ABCA12: variants seen among roughly 807,000 people sequenced by gnomAD.
ABCA12 encodes the protein glucosylceramide transporter ABCA12.
ABCA12 carries 156 observed loss-of-function variants against 293.5 expected under a neutral mutation model. The observed-to-expected ratio is 0.53, with a 90% CI of 0.47 to 0.61. The LOEUF (loss-of-function observed/expected upper bound fraction) is 0.61. Ranked by LOEUF, ABCA12 falls within the 20% of genes least tolerant of loss-of-function variation. The pLI, the probability that ABCA12 is intolerant of heterozygous loss-of-function variation, is 0.00. For synonymous variants in ABCA12, 1,063 were observed against 1,108.0 expected (o/e 0.96, Z 0.81); for missense variants, 2,797 against 3,090.2 (o/e 0.91, Z 2.25).
At chr2:215,121,447 C>A (rs1399775058) in intron 1 of ABCA12, among the ~76,000 whole-genome samples, 4 of 152,062 alleles carry the variant, frequency 2.6e-5, no homozygotes, top group African/African-American at 9.7e-5. Context: ...TTTCCTTTAG[C>A]ATTGTCCTAT....
At chr2:214,959,168 T>C in intron 39 of ABCA12, 90 bp from the exon 40 acceptor site, 2 of 1,109,996 alleles carry the variant, frequency 1.8e-6, no homozygotes, top group Non-Finnish European at 2.8e-6. Flanking sequence ...ACTTTCCTCC[T>C]TATATTATTA....
At position 215,007,863 on chromosome 2, in the gene ABCA12, C is replaced by A. The variant is rs1431719448; in HGVS notation, c.2473-17G>T. 2 of 1,613,464 alleles carry A rather than the reference C, an allele frequency of 1.2e-6. No homozygotes were observed. Among genetic ancestry groups the A allele is most frequent in the Non-Finnish European group, 1.7e-6 (2 of 1,179,766 alleles). Reference sequence around the variant, plus strand: ...TACATTGGACTTAATGACAAAGAAACAAAAGAAGTGTGATCCATTAGTATT... The same window carrying A: ...TACATTGGACTTAATGACAAAGAAAAAAAAGAAGTGTGATCCATTAGTATT... On this transcript the variant is annotated splice_polypyrimidine_tract_variant and intron_variant, in intron 18 of 52. Transcript: ENST00000272895.
Position 215,001,622 on chromosome 2 carries a change from T to G in ABCA12, c.2799A>C (p.Ala933=), listed in dbSNP as rs1559139940. 2 of 1,613,760 alleles carry G rather than the reference T, an allele frequency of 1.2e-6. No individual in the cohort carries two copies. Among genetic ancestry groups the G allele is most frequent in the Non-Finnish European group, 1.7e-6 (2 of 1,179,846 alleles). ...SCVLYDRIQA[A]KTIDEMEREA... is the part of the protein sequence containing the mutation. ...CTCTCTCCATTTCATCTATGGTTTT[T>G]GCTGCCTGAATACGGTCATATAATA... The change falls in exon 21 of 53, where the codon GCA becomes GCC. Residue 933 remains alanine (A), a synonymous_variant. Transcript: ENST00000272895.
In ABCA12 at chr2:215,031,852, GT is replaced by G; in HGVS notation, c.1029del (p.Gln344ArgfsTer13). 2 of 1,613,952 alleles carry G rather than the reference GT, an allele frequency of 1.2e-6. No individual in the cohort carries two copies. Among genetic ancestry groups the G allele is most frequent in the Non-Finnish European group, 1.7e-6 (2 of 1,179,944 alleles). ...GCCAGACTGCTTGGAGATAAGGTCT[GT>G]CCATCATCCTCATTCCACACATGCG... ...NITHVWNEDD[G>X]QTLSPSSLAA... On this transcript the variant is annotated frameshift_variant, in exon 9 of 53. Transcript: ENST00000272895. LOFTEE classifies it high-confidence loss of function.
chr2:215,036,139 T>TA (rs1358068263), intron 8 of ABCA12, among the ~76,000 whole-genome samples: 1 of 152,118 alleles, frequency 6.6e-6, no homozygotes, highest in East Asian at 1.9e-4. Context: ...ACTGTAGATA[T>TA]AAAAAATGCT....
chr2:214,992,497 A>G (rs1699936666), intron 23 of ABCA12, among the ~76,000 whole-genome samples: 2 of 147,626 alleles, frequency 1.4e-5, no homozygotes, highest in Non-Finnish European at 3.0e-5. Flanking sequence ...ATTAATGTTA[A>G]GCCTATCAAC....
intron 1 of ABCA12, among the ~76,000 whole-genome samples, chr2:215,130,852 T>C (rs1370303841): frequency 6.6e-6 from 1 of 152,180 alleles, no homozygotes; most frequent in Non-Finnish European, 1.5e-5. Flanking sequence ...CTTTTCCCCA[T>C]TCAGCGTGAT....
chr2:214,990,818 T>C lies in ABCA12; in HGVS notation c.3508A>G (p.Asn1170Asp), dbSNP rs1218415551. ...AMSYLISVFFNNTNIAALIGS... is the reference protein window; with the variant it reads ...AMSYLISVFFDNTNIAALIGS... ...ATCAGAGCTGCAATGTTGGTGTTGTTGAAGAAGACACTGATAAGATAGCTC... is the reference window on the plus strand; with the variant it reads ...ATCAGAGCTGCAATGTTGGTGTTGTCGAAGAAGACACTGATAAGATAGCTC... Residue 1170 changes from asparagine to aspartate, a missense_variant, in exon 24 of 53, where the codon AAC (asparagine) becomes GAC (aspartate). By Grantham distance (23) the Asn-to-Asp change is conservative. Transcript: ENST00000272895. 6.2e-7 allele frequency: 1 copy of C among 1,613,994 alleles called. No homozygotes were observed. Among genetic ancestry groups the C allele is most frequent in the African/African-American group, 1.3e-5 (1 of 74,922 alleles).
rs146090036 is a variant in ABCA12 at position 214,978,859 on chromosome 2, C to T, written c.4922G>A (p.Gly1641Asp). The T allele has an allele frequency of 8.2e-5, 132 of 1,613,896 alleles. No individual in the cohort carries two copies. The highest frequency in any genetic ancestry group is 5.5e-5 in the Non-Finnish European group (65 of 1,179,978). Reference sequence around the variant, plus strand: ...GCACCCGATGTTGAGGTCACCCATGCCATTGTCGAGTGCCCGTAGGAGTGA... The same window carrying T: ...GCACCCGATGTTGAGGTCACCCATGTCATTGTCGAGTGCCCGTAGGAGTGA... ...YLSLLRALDN[G>D]MGDLNIGCYG... Residue 1641 changes from glycine (G) to aspartate (D), a missense_variant, in exon 32 of 53, where the codon GGC becomes GAC. By Grantham distance (94) the Gly-to-Asp change is moderately conservative (BLOSUM62 -1). Transcript: ENST00000272895.
At chr2:215,068,591 T>C (rs1177871141) in intron 2 of ABCA12, among the ~76,000 whole-genome samples, 1 of 152,030 alleles carries the variant, frequency 6.6e-6, no homozygotes, top group African/African-American at 2.4e-5. Flanking sequence ...CATCCTTCTT[T>C]TCCTCTTCCC....
rs753433213 is a variant in ABCA12, at chr2:214,990,871, G to A, written c.3455C>T (p.Ser1152Leu). The A allele has an allele frequency of 2.1e-5, 34 of 1,613,856 alleles. No individual in the cohort carries two copies. Among genetic ancestry groups the A allele is most frequent in the Non-Finnish European group, 2.9e-5 (34 of 1,179,968 alleles). The change falls in exon 24 of 53, where the codon TCG becomes TTG. Residue 1152 changes from serine (S) to leucine (L), a missense_variant. This residue lies in a region of ABCA12 where 2,130 missense variants were observed against 2,427.0 expected (regional missense o/e 0.88). Transcript: ENST00000272895. ...TNGFILFLYF[S>L]DYSFSVIAMS... is the part of the protein sequence containing the mutation. ...GGCAATAACCGAGAAGCTGTAGTCC[G>A]AAAAATACAGGAACAAAATGAACCC...
At chr2:214,960,210 AC>A (rs1013209700) in intron 39 of ABCA12, among the ~76,000 whole-genome samples, 5 of 152,144 alleles carry the variant, frequency 3.3e-5, no homozygotes, top group Admixed American at 6.6e-5. Flanking sequence ...AACAACAAAA[AC>A]CAAGTTGATT....
intron 31 of ABCA12, among the ~76,000 whole-genome samples, chr2:214,979,854 G>A (rs1699607719): frequency 6.6e-6 from 1 of 152,146 alleles, no homozygotes; most frequent in Admixed American, 6.5e-5. Flanking sequence ...AATAAATGGA[G>A]GTAGTTGAAA....
At chr2:214,974,139 G>A in intron 35 of ABCA12, 97 bp from the exon 36 acceptor site, 2 of 1,074,258 alleles carry the variant, frequency 1.9e-6, no homozygotes, top group Non-Finnish European at 2.9e-6. Context: ...TTAAGTTCAT[G>A]TGTGTAGTCA....
chr2:214,932,792 A>AAAAT, intron 52 of ABCA12, 51 bp from the exon 53 acceptor site: 1 of 1,324,144 alleles, frequency 7.6e-7, no homozygotes, highest in Non-Finnish European at 1.1e-6. Flanking sequence ...GCCAAAGGAA[A>AAAAT]AAATAAAGTT....
chr2:214,955,645 CAG>C (rs996706336), intron 42 of ABCA12, among the ~76,000 whole-genome samples: 1 of 152,156 alleles, frequency 6.6e-6, no homozygotes, highest in Non-Finnish European at 1.5e-5. Flanking sequence ...GCCTGGGTGA[CAG>C]AGTGAGATCC....
chr2:215,103,688 A>G (rs532612897), intron 2 of ABCA12, among the ~76,000 whole-genome samples: 3 of 152,366 alleles, frequency 2.0e-5, no homozygotes, highest in South Asian at 4.1e-4. Flanking sequence ...CAAATATAGT[A>G]TCATAAATAA....
At chr2:214,981,939 GTTT>G (rs1037879947) in intron 30 of ABCA12, among the ~76,000 whole-genome samples, 2 of 115,046 alleles carry the variant, frequency 1.7e-5, no homozygotes, top group African/African-American at 7.4e-5. Context: ...ACAGTCAGCT[GTTT>G]TTATTATTAT....
In ABCA12 at chr2:214,951,001, C is replaced by T. The variant is rs1335178592; in HGVS notation, c.6730G>A (p.Val2244Ile). 1 of 1,614,176 alleles carries T rather than the reference C, an allele frequency of 6.2e-7. No individual in the cohort carries two copies. Among genetic ancestry groups the T allele is most frequent in the African/African-American group, 1.3e-5 (1 of 75,046 alleles). The change falls in exon 45 of 53, where the codon GTT (valine) becomes ATT (isoleucine). Residue 2244 changes from valine (V) to isoleucine (I), a missense_variant. This residue lies in a region of ABCA12 where 2,130 missense variants were observed against 2,427.0 expected (regional missense o/e 0.88). Coordinates refer to ENST00000272895, the MANE Select transcript of ABCA12 (RefSeq NM_173076.3). ...TCAAATTCAGCTGCACCACTCTCAACTCTTAATCTCTCAGCCCGCACATCT... is the reference window on the plus strand; with the variant it reads ...TCAAATTCAGCTGCACCACTCTCAATTCTTAATCTCTCAGCCCGCACATCT... ...DEDVRAERLR[V>I]ESGAAEFDLV...
Sources: gnomAD v4.1 joint callset for allele counts (sites outside exome capture counted in the v4.1 genomes callset) on GRCh38, gnomAD v4.1.1 for gene constraint, gnomAD v4.1.1 regional missense constraint, MANE v1.5 for transcripts, NCBI Gene and HGNC (gene_info 2026-07-23, HGNC 2026-07-21) for gene names.